Variants in CMIP observed in about 807,000 individuals in gnomAD.
CMIP encodes the protein C-Maf-inducing protein.
In CMIP, 13 loss-of-function variants were observed where a neutral mutation model predicts 97.3. That is an observed-to-expected ratio of 0.13 (90% confidence interval 0.09 to 0.21). CMIP has a LOEUF of 0.21. Among genes scored for constraint, CMIP ranks in the 10% least tolerant of loss-of-function variants. CMIP has a pLI of 1.00. For synonymous variants in CMIP, 538 were observed against 436.3 expected (o/e 1.23, Z -2.91); for missense variants, 847 against 1,024.9 (o/e 0.83, Z 2.37).
chr16:81,553,789 C>T (rs1021499053), intron 1 of CMIP, among the ~76,000 whole-genome samples: 16 of 147,304 alleles, frequency 1.1e-4, no homozygotes, highest in African/African-American at 2.8e-4. Context: ...CAGGAAAAAG[C>T]AAAGAAGGAG....
intron 1 of CMIP, among the ~76,000 whole-genome samples, chr16:81,562,402 C>G (rs538915201): frequency 2.0e-4 from 31 of 152,358 alleles, no homozygotes; most frequent in African/African-American, 7.0e-4. Flanking sequence ...ATTCTCTCAT[C>G]CCAGAAACCA....
intron 2 of CMIP, 134 bp downstream of exon 2, chr16:81,607,826 A>G (rs1195035411): frequency 3.0e-6 from 3 of 990,744 alleles, no homozygotes; most frequent in African/African-American, 3.3e-5. Flanking sequence ...TTATTCCCCA[A>G]GTATAAGAAA....
intron 13 of CMIP, among the ~76,000 whole-genome samples, chr16:81,693,757 G>A (rs1906383250): frequency 6.6e-6 from 1 of 152,214 alleles, no homozygotes. Context: ...GGCTGGGCTG[G>A]CATGGCAGCT....
At chr16:81,703,832 C>T in intron 17 of CMIP, 107 bp from the exon 18 acceptor site, 1 of 1,420,886 alleles carries the variant, frequency 7.0e-7, no homozygotes, top group Non-Finnish European at 9.3e-7. Flanking sequence ...CCCCCAGGAA[C>T]AGCTCTCTGT....
chr16:81,509,241 A>G (rs2089766267), intron 1 of CMIP, among the ~76,000 whole-genome samples: 1 of 152,052 alleles, frequency 6.6e-6, no homozygotes, highest in Non-Finnish European at 1.5e-5. Flanking sequence ...GCTCCATCCT[A>G]TAGATGCGCA....
intron 1 of CMIP, among the ~76,000 whole-genome samples, chr16:81,494,341 C>T (rs1320505296): frequency 2.0e-5 from 3 of 152,204 alleles, no homozygotes; most frequent in South Asian, 4.1e-4. Context: ...GGGAATGGAG[C>T]AGATGCGGGG....
intron 1 of CMIP, among the ~76,000 whole-genome samples, chr16:81,470,867 C>CT (rs1907484138): frequency 6.6e-6 from 1 of 152,230 alleles, no homozygotes; most frequent in Non-Finnish European, 1.5e-5. Flanking sequence ...AGCCCTGAAA[C>CT]TCCTGAGATC....
intron 1 of CMIP, chr16:81,463,836 C>CT (rs1907038094): frequency 2.0e-5 from 3 of 152,324 alleles, no homozygotes; most frequent in Admixed American, 6.5e-5. Context: ...ACTGCTTTTC[C>CT]TGAGACCTCA....
At chr16:81,689,795 A>T (rs190977565) in intron 10 of CMIP, among the ~76,000 whole-genome samples, 1 of 152,348 alleles carries the variant, frequency 6.6e-6, no homozygotes, top group East Asian at 1.9e-4. Flanking sequence ...TAGGTCTAAC[A>T]TTTAAGTCTT....
At chr16:81,470,775 A>G (rs1196851479) in intron 1 of CMIP, among the ~76,000 whole-genome samples, 1 of 152,254 alleles carries the variant, frequency 6.6e-6, no homozygotes. Flanking sequence ...GGATTTTGTA[A>G]GTAGAAAATG....
rs1380156683 is a variant in CMIP at position 81,678,622 on chromosome 16, A to G, written c.1382A>G (p.Lys461Arg). 1 of 1,537,624 alleles carries G rather than the reference A, an allele frequency of 6.5e-7. No individual in the cohort carries two copies. Among genetic ancestry groups the G allele is most frequent in the East Asian group, 2.3e-5 (1 of 44,144 alleles). Reference sequence around the variant, plus strand: ...CTCGGCTGCTACGTGGAAATCCTCAAGCTGCTGTGAGTGCCCCCCCCGCGT... The same window carrying G: ...CTCGGCTGCTACGTGGAAATCCTCAGGCTGCTGTGAGTGCCCCCCCCGCGT... ...RTLGCYVEIL[K>R]LLSDYDDWRP... Residue 461 changes from lysine to arginine, a missense_variant, in exon 10 of 21, where the codon AAG becomes AGG. Transcript: ENST00000537098.
intron 1 of CMIP, among the ~76,000 whole-genome samples, chr16:81,472,412 G>T (rs942219954): frequency 1.3e-5 from 2 of 152,208 alleles, no homozygotes; most frequent in Non-Finnish European, 2.9e-5. Context: ...CTGGCCGCCC[G>T]TTCTGGTATC....
intron 2 of CMIP, among the ~76,000 whole-genome samples, chr16:81,608,495 T>C (rs1209730666): frequency 2.0e-5 from 3 of 152,146 alleles, no homozygotes; most frequent in Non-Finnish European, 4.4e-5. Context: ...GCCCTTTTTC[T>C]TTCCAGTACC....
chr16:81,684,792 G>C (rs181937201), intron 10 of CMIP, among the ~76,000 whole-genome samples: 1 of 152,214 alleles, frequency 6.6e-6, no homozygotes, highest in African/African-American at 2.4e-5. Flanking sequence ...CGTCCCCTCC[G>C]TCCAAGCTGG....
chr16:81,705,570 C>G lies in CMIP; in HGVS notation c.2163C>G (p.Thr721=), dbSNP rs746753381. The G allele has an allele frequency of 6.2e-7, 1 of 1,608,374 alleles. No homozygotes were observed. The change falls in exon 19 of 21, where the codon ACC becomes ACG. Residue 721 remains threonine (T), a synonymous_variant. Transcript: ENST00000537098. ...TMLQVLNLCE[T]PVTDAGLLAL... is the part of the protein sequence containing the mutation. ...TCCAGGTGCTGAACCTGTGCGAGAC[C>G]CCGGTCACAGACGCTGGCCTGCTGG...
intron 1 of CMIP, among the ~76,000 whole-genome samples, chr16:81,452,225 T>G (rs1314246553): frequency 6.6e-6 from 1 of 152,064 alleles, no homozygotes; most frequent in African/African-American, 2.4e-5. Context: ...GACTTTGAAA[T>G]CAGACAGGGG....
chr16:81,669,552 A>C (rs1597224236), intron 7 of CMIP, among the ~76,000 whole-genome samples: 4 of 65,952 alleles, frequency 6.1e-5, no homozygotes, highest in East Asian at 4.3e-4. Flanking sequence ...TTCCACACCC[A>C]CTTCATACTT....
At chr16:81,604,974 C>T (rs1235924674) in intron 1 of CMIP, among the ~76,000 whole-genome samples, 2 of 152,144 alleles carry the variant, frequency 1.3e-5, no homozygotes, top group Non-Finnish European at 2.9e-5. Flanking sequence ...GCATATGAAA[C>T]AGCAGGTGAA....
intron 9 of CMIP, among the ~76,000 whole-genome samples, chr16:81,674,962 A>AAAAGAAAG (rs143904062): frequency 1.1e-4 from 16 of 151,980 alleles, no homozygotes; most frequent in African/African-American, 3.4e-4. Flanking sequence ...TCAATTTAAA[A>AAAAGAAAG]AAAGAAAGAA....
Sources: allele counts gnomAD v4.1 joint callset (sites outside exome capture counted in the v4.1 genomes callset), GRCh38; gene constraint gnomAD v4.1.1; transcripts MANE v1.5; gene names NCBI Gene and HGNC (gene_info 2026-07-23, HGNC 2026-07-21).